Variants in ELK4 observed in about 807,000 individuals in gnomAD.
ELK4 encodes ETS transcription factor ELK4.
A neutral mutation model predicts 29.6 loss-of-function variants in ELK4; 16 were observed. That is an observed-to-expected ratio of 0.54 (90% confidence interval 0.37 to 0.82). The LOEUF is 0.82. ELK4 is among the 40% of genes least tolerant of loss of function. The pLI, the probability that ELK4 is intolerant of heterozygous loss-of-function variation, is 0.00. For synonymous variants in ELK4, 213 were observed against 191.1 expected (o/e 1.11, Z -0.95); for missense variants, 465 against 507.1 (o/e 0.92, Z 0.80).
rs1283437668 is a variant in ELK4, at chr1:205,612,450, A to G, written c.*4096T>C. ...TTTTGTGTATTTTTTTATAACACACATATTACTTTGGTATAGCGGTATATA... is the reference window on the plus strand; with the variant it reads ...TTTTGTGTATTTTTTTATAACACACGTATTACTTTGGTATAGCGGTATATA... On this transcript the variant is annotated 3_prime_UTR_variant, in exon 5 of 5. Coordinates refer to ENST00000357992, the MANE Select transcript of ELK4 (RefSeq NM_001973.4). The G allele has an allele frequency of 4.6e-6, 1 of 215,934 alleles. No homozygotes were observed. The highest frequency in any genetic ancestry group is 6.9e-5 in the East Asian group (1 of 14,442). 13.4% of individuals were successfully genotyped at this position (215,934 alleles called of 1,614,324 possible).
chr1:205,628,316 T>G (rs1442473107), intron 1 of ELK4, among the ~76,000 whole-genome samples: 1 of 152,204 alleles, frequency 6.6e-6, no homozygotes, highest in Non-Finnish European at 1.5e-5. Context: ...GTTTTCCCAC[T>G]TAAACAATTA....
At chr1:205,627,836 C>T (rs1670496705) in intron 1 of ELK4, among the ~76,000 whole-genome samples, 1 of 152,094 alleles carries the variant, frequency 6.6e-6, no homozygotes, top group Admixed American at 6.6e-5. Flanking sequence ...GTAATCCTCA[C>T]GATTATCACT....
intron 1 of ELK4, 143 bp downstream of exon 1, chr1:205,631,489 C>G (rs534152823): frequency 3.3e-5 from 5 of 149,256 alleles, no homozygotes; most frequent in African/African-American, 9.9e-5. Flanking sequence ...CGGGGGCGGA[C>G]CCAAGGGGAG....
rs1013751885 is a variant in ELK4, at chr1:205,613,851, G to C, written c.*2695C>G. On this transcript the variant is annotated 3_prime_UTR_variant, in exon 5 of 5. Transcript: ENST00000357992. ...AGCATTCATCCTGGCAAAGTGACTA[G>C]GGATGGATACGAGCTACAGCTACCA... 26 of 215,242 alleles carry C rather than the reference G, an allele frequency of 1.2e-4. No homozygotes were observed. In the Admixed American group the frequency reaches 1.5e-3, roughly 13 times the overall value. 13.3% of individuals were successfully genotyped at this position (215,242 alleles called of 1,614,324 possible).
At chr1:205,629,371 T>C (rs901848230) in intron 1 of ELK4, among the ~76,000 whole-genome samples, 1 of 152,196 alleles carries the variant, frequency 6.6e-6, no homozygotes, top group Non-Finnish European at 1.5e-5. Flanking sequence ...AAGTCAAAAC[T>C]CTTCATTTTA....
chr1:205,618,806 T>C (rs1670277591), intron 4 of ELK4, 151 bp downstream of exon 4: 2 of 490,638 alleles, frequency 4.1e-6, no homozygotes, highest in Non-Finnish European at 7.0e-6. Flanking sequence ...CTGGGTGACA[T>C]GGTGAGGACT....
At position 205,613,868 on chromosome 1, in the gene ELK4, C is replaced by T. The variant is rs747925433; in HGVS notation, c.*2678G>A. 4.6e-6 allele frequency: 1 copy of T among 216,112 alleles called. No homozygotes were observed. Among genetic ancestry groups the T allele is most frequent in the Non-Finnish European group, 9.3e-6 (1 of 107,096 alleles). 13.4% of individuals were successfully genotyped at this position (216,112 alleles called of 1,614,324 possible). On this transcript the variant is annotated 3_prime_UTR_variant, in exon 5 of 5. Transcript: ENST00000357992. Reference sequence around the variant, plus strand: ...AGTGACTAGGGATGGATACGAGCTACAGCTACCAATTACAAGTCTCTCCAG... The same window carrying T: ...AGTGACTAGGGATGGATACGAGCTATAGCTACCAATTACAAGTCTCTCCAG...
chr1:205,630,850 T>C (rs1670568679), intron 1 of ELK4, among the ~76,000 whole-genome samples: 1 of 151,650 alleles, frequency 6.6e-6, no homozygotes, highest in African/African-American at 2.4e-5. Flanking sequence ...GTGTAGGGGG[T>C]GGGAAAAGAC....
At chr1:205,622,208 C>T (rs921608858) in intron 2 of ELK4, among the ~76,000 whole-genome samples, 1 of 151,932 alleles carries the variant, frequency 6.6e-6, no homozygotes, top group East Asian at 1.9e-4. Context: ...AGCAAGACTC[C>T]GTCTCAAACA....
intron 2 of ELK4, among the ~76,000 whole-genome samples, chr1:205,622,225 CAAAA>C (rs913501110): frequency 6.6e-6 from 1 of 151,102 alleles, no homozygotes; most frequent in Admixed American, 6.6e-5. Flanking sequence ...AACAAACAAA[CAAAA>C]AAAAGTGAAA....
chr1:205,625,710 ACT>A (rs1183238315), intron 1 of ELK4: 1 of 725,184 alleles, frequency 1.4e-6, no homozygotes, highest in African/African-American at 1.9e-5. Flanking sequence ...ATGGAGTCCC[ACT>A]CTGTCACCCA....
chr1:205,612,624 A>G lies in ELK4; in HGVS notation c.*3922T>C. On this transcript the variant is annotated 3_prime_UTR_variant, in exon 5 of 5. Transcript: ENST00000357992. ...TTGAGAAGTGGTACTGAGTGGCTCT[A>G]AATGTGCTTACATTCACCAAAAACA... The G allele has an allele frequency of 4.7e-6, 1 of 210,672 alleles. No individual in the cohort carries two copies. Among genetic ancestry groups the G allele is most frequent in the Non-Finnish European group, 9.6e-6 (1 of 103,872 alleles). 13.1% of individuals were successfully genotyped at this position (210,672 alleles called of 1,614,324 possible).
At chr1:205,622,170 C>T (rs1200931879) in intron 2 of ELK4, among the ~76,000 whole-genome samples, 1 of 152,022 alleles carries the variant, frequency 6.6e-6, no homozygotes, top group Non-Finnish European at 1.5e-5. Flanking sequence ...GCTGAGATCA[C>T]GCCACTGTGT....
chr1:205,608,842 A>G lies in ELK4; in HGVS notation c.*7704T>C, dbSNP rs1670111404. On this transcript the variant is annotated 3_prime_UTR_variant, in exon 5 of 5. Coordinates refer to ENST00000357992, the MANE Select transcript of ELK4 (RefSeq NM_001973.4). ...CAGGTTTGAAGAAAGCACTCTTGAC[A>G]TGTTCTTACTACCACATATCCCAAA... The G allele has an allele frequency of 1.5e-5, 3 of 196,810 alleles. No individual in the cohort carries two copies. In the South Asian group the frequency reaches 5.7e-4, roughly 38 times the overall value. The allele number at this position is 196,810 out of a possible 1,614,324, so 12.2% of individuals were successfully genotyped here.
At chr1:205,620,971 C>T (rs1007382838) in intron 2 of ELK4, 133 bp from the exon 3 acceptor site, 7 of 1,013,258 alleles carry the variant, frequency 6.9e-6, no homozygotes, top group African/African-American at 6.5e-5. Flanking sequence ...CCGAGGAGGG[C>T]GGATCACGAG....
At chr1:205,630,261 T>C (rs1387637828) in intron 1 of ELK4, among the ~76,000 whole-genome samples, 1 of 152,198 alleles carries the variant, frequency 6.6e-6, no homozygotes, top group African/African-American at 2.4e-5. Context: ...GAAAACATAA[T>C]TGATTCTATT....
Position 205,631,779 on chromosome 1 carries a change from C to A in ELK4, c.-157G>T, listed in dbSNP as rs1390707746. 1.0e-5 allele frequency: 2 copies of A among 199,444 alleles called. No homozygotes were observed. The highest frequency in any genetic ancestry group is 7.0e-5 in the South Asian group (1 of 14,204). 12.4% of individuals were successfully genotyped at this position (199,444 alleles called of 1,614,324 possible). A position where few individuals can be genotyped will look rare whatever the true frequency, so the allele number is the denominator to read the frequency against. On this transcript the variant is annotated 5_prime_UTR_variant, in exon 1 of 5. Coordinates refer to ENST00000357992, the MANE Select transcript of ELK4 (RefSeq NM_001973.4). ...CGGAGCCGTAGAAGGCGGCGGCGGC[C>A]AAGCCGAGCCCGCCGGGTGCCCGCA...
At chr1:205,622,939 A>G (rs1181769521) in intron 2 of ELK4, among the ~76,000 whole-genome samples, 1 of 152,102 alleles carries the variant, frequency 6.6e-6, no homozygotes, top group East Asian at 1.9e-4. Flanking sequence ...GGAGTTCAAG[A>G]CCAACTTGGC....
In ELK4 at chr1:205,615,379, A is replaced by G. The variant is rs2102375090; in HGVS notation, c.*1167T>C. 1 of 152,016 alleles carries G rather than the reference A, an allele frequency of 6.6e-6. No individual in the cohort carries two copies. The highest frequency in any genetic ancestry group is 1.3e-4 in the East Asian group (1 of 7,758). The allele number at this position is 152,016 out of a possible 1,614,324, so 9.4% of individuals were successfully genotyped here. A position where few individuals can be genotyped will look rare whatever the true frequency, so the allele number is the denominator to read the frequency against. ...GCACTCCAGCCTGGGTGATAGAGCA[A>G]GACTCTGTCTCAAAAAAAAAAAAAA... On this transcript the variant is annotated 3_prime_UTR_variant, in exon 5 of 5. Coordinates refer to ENST00000357992, the MANE Select transcript of ELK4 (RefSeq NM_001973.4).
Sources: gnomAD v4.1 joint callset for allele counts (sites outside exome capture counted in the v4.1 genomes callset) on GRCh38, gnomAD v4.1.1 for gene constraint, MANE v1.5 for transcripts, NCBI Gene and HGNC (gene_info 2026-07-23, HGNC 2026-07-21) for gene names.